ROBO2: variants seen among roughly 807,000 people sequenced by gnomAD.
The protein encoded by ROBO2 is roundabout homolog 2.
In ROBO2, 53 loss-of-function variants were observed where a neutral mutation model predicts 160.8. That is an observed-to-expected ratio of 0.33 (90% CI 0.26 to 0.41). The LOEUF (loss-of-function observed/expected upper bound fraction) is 0.41, where lower values mean the gene tolerates loss of function less well. ROBO2 is among the 10% of genes least tolerant of loss of function. The probability of loss-of-function intolerance (pLI) is 1.00; values close to 1 mark genes in which losing one functional copy is unlikely to be tolerated. For synonymous variants in ROBO2, 664 were observed against 611.7 expected, an observed-to-expected ratio of 1.09 and a Z score of -1.26; for missense variants, 1,577 against 1,722.4, an observed-to-expected ratio of 0.92 and a Z score of 1.49.
At chr3:77,387,565 A>G (rs2074268084) in intron 2 of ROBO2, among the ~76,000 whole-genome samples, 1 of 151,400 alleles carries the variant, frequency 6.6e-6, no homozygotes, top group Admixed American at 6.6e-5. Flanking sequence ...AAATTTTCTG[A>G]TCTCCTGCGA....
At chr3:75,916,914 ATTAT>A (rs1373257884) in intron 1 of ROBO2, among the ~76,000 whole-genome samples, 2 of 152,080 alleles carry the variant, frequency 1.3e-5, no homozygotes, top group Non-Finnish European at 2.9e-5. Flanking sequence ...CTGATGGGAT[ATTAT>A]TTAACATATA....
intron 2 of ROBO2, among the ~76,000 whole-genome samples, chr3:76,203,050 A>G (rs190817824): frequency 6.6e-6 from 1 of 151,362 alleles, no homozygotes; most frequent in East Asian, 1.9e-4. Context: ...CTTAGAAATT[A>G]CAATTCCTGA....
At chr3:76,313,066 C>T (rs1340318252) in intron 2 of ROBO2, among the ~76,000 whole-genome samples, 1 of 152,192 alleles carries the variant, frequency 6.6e-6, no homozygotes, top group Non-Finnish European at 1.5e-5. Flanking sequence ...GATGATACAA[C>T]TCAGTTAAGT....
chr3:76,208,038 C>G (rs1702916282), intron 2 of ROBO2, among the ~76,000 whole-genome samples: 1 of 152,176 alleles, frequency 6.6e-6, no homozygotes, highest in South Asian at 2.1e-4. Context: ...TACTCTTCCT[C>G]CTGTTCCAGC....
At chr3:76,333,255 A>G (rs970585962) in intron 2 of ROBO2, among the ~76,000 whole-genome samples, 3 of 152,186 alleles carry the variant, frequency 2.0e-5, no homozygotes, top group Non-Finnish European at 4.4e-5. Context: ...GGTTGTTGTG[A>G]TCATTGAGAT....
chr3:76,062,267 A>G (rs2068093210), intron 2 of ROBO2, among the ~76,000 whole-genome samples: 1 of 152,208 alleles, frequency 6.6e-6, no homozygotes, highest in Non-Finnish European at 1.5e-5. Context: ...TATTAATAAG[A>G]TAATCAAAAC....
chr3:76,573,109 G>A (rs572016275), intron 2 of ROBO2, among the ~76,000 whole-genome samples: 1 of 152,190 alleles, frequency 6.6e-6, no homozygotes, highest in South Asian at 2.1e-4. Flanking sequence ...GCCTGGGACA[G>A]GTTAAGTATC....
chr3:76,112,935 A>G (rs916013718), intron 2 of ROBO2, among the ~76,000 whole-genome samples: 27 of 152,134 alleles, frequency 1.8e-4, no homozygotes, highest in Admixed American at 3.3e-4. Context: ...CTTTAAAAAT[A>G]AATTTTCAAT....
At chr3:76,218,352 AG>A (rs1159481443) in intron 2 of ROBO2, among the ~76,000 whole-genome samples, 5 of 152,214 alleles carry the variant, frequency 3.3e-5, no homozygotes, top group African/African-American at 1.2e-4. Context: ...GCATTCAATT[AG>A]GAAAAGAGGA....
Position 76,632,088 on chromosome 3 carries a change from G to T in ROBO2, c.110-465926G>T, listed in dbSNP as rs141259607. Among the ~76,000 whole-genome samples, 282 of 152,272 alleles carry T rather than the reference G, an allele frequency of 1.9e-3. 1 individual carries two copies. Among genetic ancestry groups the T allele is most frequent in the Middle Eastern group, 0.01 (3 of 294 alleles). On this transcript the variant is annotated intron_variant, in intron 2 of 26. Transcript: ENST00000487694. ...TGATGTGAGACTCTGATATTGTACC[G>T]CCTTTCTCTGCCCTAGGAGTTGAAA...
chr3:76,577,406 T>A (rs1188932275), intron 2 of ROBO2, among the ~76,000 whole-genome samples: 1 of 152,106 alleles, frequency 6.6e-6, no homozygotes, highest in Non-Finnish European at 1.5e-5. Context: ...CCTTGGAAAC[T>A]AATAAACTTT....
intron 20 of ROBO2, chr3:77,603,035 C>T: frequency 2.2e-6 from 1 of 456,728 alleles, no homozygotes; most frequent in Non-Finnish European, 4.4e-6. Flanking sequence ...CTCACAACAG[C>T]TCAGAAAGGA....
At chr3:77,276,891 T>C (rs1352245523) in intron 2 of ROBO2, among the ~76,000 whole-genome samples, 1 of 152,128 alleles carries the variant, frequency 6.6e-6, no homozygotes, top group Non-Finnish European at 1.5e-5. Context: ...GGAACTTGTA[T>C]TTATAAAACC....
chr3:76,113,189 A>G (rs1344743850), intron 2 of ROBO2, among the ~76,000 whole-genome samples: 1 of 152,120 alleles, frequency 6.6e-6, no homozygotes, highest in Non-Finnish European at 1.5e-5. Context: ...GACTTATGTA[A>G]TTATTCTTCA....
At chr3:77,634,946 GAGTCAA>G (rs759730912) in exon 24 of ROBO2, 2 of 1,614,142 alleles carry the variant, frequency 1.2e-6, no homozygotes, top group South Asian at 2.2e-5. Flanking sequence ...GTGCAGCCCT[GAGTCAA>G]AGTCAGAGGC....
chr3:76,141,285 G>T (rs2071659513), intron 2 of ROBO2, among the ~76,000 whole-genome samples: 1 of 146,108 alleles, frequency 6.8e-6, no homozygotes, highest in Admixed American at 6.9e-5. Context: ...TAGCCAATTT[G>T]AATCTTAAAA....
intron 2 of ROBO2, among the ~76,000 whole-genome samples, chr3:76,834,030 T>TCTTTCTTTC: frequency 1.3e-5 from 2 of 150,228 alleles, no homozygotes. Context: ...TTCTTTTCTT[T>TCTTTCTTTC]CTTTCTTTCC....
intron 2 of ROBO2, among the ~76,000 whole-genome samples, chr3:76,389,702 T>C (rs1051374063): frequency 6.6e-6 from 1 of 152,220 alleles, no homozygotes; most frequent in East Asian, 1.9e-4. Context: ...TCAAATTTGA[T>C]GGTTACAAGC....
At chr3:77,367,822 C>T (rs2071140972) in intron 2 of ROBO2, among the ~76,000 whole-genome samples, 1 of 152,096 alleles carries the variant, frequency 6.6e-6, no homozygotes, top group African/African-American at 2.4e-5. Flanking sequence ...TCTGACACTT[C>T]CAGTTCATCA....
Sources: gnomAD v4.1 joint callset for allele counts (sites outside exome capture counted in the v4.1 genomes callset) on GRCh38, gnomAD v4.1.1 for gene constraint, MANE v1.5 for transcripts, NCBI Gene and HGNC (gene_info 2026-07-23, HGNC 2026-07-21) for gene names.